ARL15: variants seen among roughly 807,000 people sequenced by gnomAD.
The protein encoded by ARL15 is ADP-ribosylation factor-like protein 15.
Under a neutral mutation model 25.2 loss-of-function variants are expected in ARL15, and 19 were observed. The observed-to-expected ratio is 0.75, with a 90% CI of 0.53 to 1.10. The LOEUF (loss-of-function observed/expected upper bound fraction) is 1.10, where lower values mean the gene tolerates loss of function less well. Among genes scored for constraint, ARL15 ranks in the 50% least tolerant of loss-of-function variants. The pLI is 0.00. For synonymous variants in ARL15, 94 were observed against 86.8 expected (o/e 1.08, Z -0.46); for missense variants, 220 against 246.0 (o/e 0.89, Z 0.71).
At chr5:54,200,344 A>T (rs558352028) in intron 1 of ARL15, among the ~76,000 whole-genome samples, 4 of 151,120 alleles carry the variant, frequency 2.6e-5, no homozygotes, top group Admixed American at 2.6e-4. Flanking sequence ...AAAAAAATTT[A>T]AAAATAAATA....
chr5:53,912,598 A>G (rs1398247120), intron 4 of ARL15, among the ~76,000 whole-genome samples: 1 of 152,118 alleles, frequency 6.6e-6, no homozygotes, highest in Non-Finnish European at 1.5e-5. Flanking sequence ...CTCCACCATA[A>G]TCTTGCAGCA....
chr5:54,218,559 G>A (rs1303845498), intron 1 of ARL15, among the ~76,000 whole-genome samples: 1 of 152,066 alleles, frequency 6.6e-6, no homozygotes, highest in Non-Finnish European at 1.5e-5. Flanking sequence ...ACTTTATTTG[G>A]GGTCACTGTG....
At chr5:54,098,868 C>T (rs1057024057) in intron 4 of ARL15, among the ~76,000 whole-genome samples, 3 of 152,134 alleles carry the variant, frequency 2.0e-5, no homozygotes, top group Non-Finnish European at 4.4e-5. Context: ...TTTCCAAAAA[C>T]ACTTGAAAAG....
At chr5:54,157,552 C>T (rs1362956534) in intron 2 of ARL15, among the ~76,000 whole-genome samples, 2 of 152,090 alleles carry the variant, frequency 1.3e-5, no homozygotes, top group African/African-American at 2.4e-5. Context: ...GCCGGGACTA[C>T]AGGCACCCAC....
intron 1 of ARL15, among the ~76,000 whole-genome samples, chr5:54,181,751 T>C (rs932778693): frequency 2.6e-5 from 4 of 152,066 alleles, no homozygotes; most frequent in African/African-American, 7.2e-5. Flanking sequence ...CTGATGAACA[T>C]AGCGAGACCC....
chr5:54,138,374 C>T (rs1237635635), intron 3 of ARL15, among the ~76,000 whole-genome samples: 3 of 152,176 alleles, frequency 2.0e-5, no homozygotes, highest in East Asian at 1.9e-4. Context: ...TAAAGCTAAA[C>T]GCAACCAACT....
intron 1 of ARL15, among the ~76,000 whole-genome samples, chr5:54,225,565 T>G (rs552513229): frequency 6.6e-6 from 1 of 152,180 alleles, no homozygotes; most frequent in South Asian, 2.1e-4. Flanking sequence ...AATTTGTAAC[T>G]AAGGGAATGA....
At chr5:54,302,254 T>A (rs911238422) in intron 1 of ARL15, among the ~76,000 whole-genome samples, 1 of 152,154 alleles carries the variant, frequency 6.6e-6, no homozygotes, top group Admixed American at 6.5e-5. Context: ...TTATTAATTA[T>A]AATAGTTAAG....
In ARL15 at chr5:54,105,278, A is replaced by G. The variant is rs116438091; in HGVS notation, c.462+7924T>C. ...AGGGTACCTTAAACTTTTGCCTCAA[A>G]TCAGCCATTGCCTTTGTTGAATGAG... is the stretch of plus-strand genomic sequence containing the variant. On this transcript the variant is annotated intron_variant, in intron 4 of 4. Transcript: ENST00000504924. Among the ~76,000 whole-genome samples, 752 of 152,086 alleles carry G rather than the reference A, an allele frequency of 4.9e-3. 12 individuals carry two copies. Among genetic ancestry groups the G allele is most frequent in the Middle Eastern group, 0.037 (11 of 294 alleles).
chr5:54,251,403 T>C (rs1283700614), intron 1 of ARL15, among the ~76,000 whole-genome samples: 1 of 150,196 alleles, frequency 6.7e-6, no homozygotes, highest in Non-Finnish European at 1.5e-5. Flanking sequence ...AAAGCCAGGC[T>C]TTTTAAAAAG....
intron 1 of ARL15, among the ~76,000 whole-genome samples, chr5:54,220,560 C>G (rs1756344714): frequency 6.6e-6 from 1 of 152,038 alleles, no homozygotes; most frequent in South Asian, 2.1e-4. Context: ...ATTCTTCTTG[C>G]TTGATTTTTT....
At chr5:54,189,465 G>A (rs1755334836) in intron 1 of ARL15, among the ~76,000 whole-genome samples, 1 of 152,090 alleles carries the variant, frequency 6.6e-6, no homozygotes, top group Non-Finnish European at 1.5e-5. Flanking sequence ...CAATGAAATA[G>A]AATAGAGATC....
chr5:53,966,607 A>G (rs888739620), intron 4 of ARL15, among the ~76,000 whole-genome samples: 4 of 152,142 alleles, frequency 2.6e-5, no homozygotes, highest in African/African-American at 7.2e-5. Context: ...CCAGGTAGAT[A>G]GTGGTGGGAT....
intron 1 of ARL15, among the ~76,000 whole-genome samples, chr5:54,277,737 G>A (rs182549443): frequency 2.0e-5 from 3 of 152,034 alleles, no homozygotes; most frequent in Non-Finnish European, 4.4e-5. Flanking sequence ...GGGTGACAGA[G>A]TGAGACTTCG....
At chr5:54,004,909 T>C (rs1190204393) in intron 4 of ARL15, among the ~76,000 whole-genome samples, 1 of 152,356 alleles carries the variant, frequency 6.6e-6, no homozygotes, top group East Asian at 1.9e-4. Context: ...CAGCATATTA[T>C]GTTTTCTGCT....
chr5:53,954,207 T>C (rs1040877275), intron 4 of ARL15, among the ~76,000 whole-genome samples: 4 of 151,992 alleles, frequency 2.6e-5, no homozygotes, highest in Non-Finnish European at 5.9e-5. Flanking sequence ...TTAGTCTGGA[T>C]AAAACATTTG....
At chr5:54,066,378 T>C (rs1365447183) in intron 4 of ARL15, among the ~76,000 whole-genome samples, 1 of 152,204 alleles carries the variant, frequency 6.6e-6, no homozygotes, top group African/African-American at 2.4e-5. Context: ...AGAGAATTAA[T>C]ATAAAAGTGC....
At chr5:54,033,083 T>A (rs901600607) in intron 4 of ARL15, among the ~76,000 whole-genome samples, 1 of 150,040 alleles carries the variant, frequency 6.7e-6, no homozygotes, top group African/African-American at 2.4e-5. Context: ...CTCCTAGCAC[T>A]TTGGGAGGCT....
chr5:54,281,944 C>A (rs141980040), intron 1 of ARL15, among the ~76,000 whole-genome samples: 1 of 152,280 alleles, frequency 6.6e-6, no homozygotes, highest in East Asian at 1.9e-4. Context: ...AATTAAAACT[C>A]CATAATTGTT....
Sources: allele counts gnomAD v4.1 joint callset (sites outside exome capture counted in the v4.1 genomes callset), GRCh38; gene constraint gnomAD v4.1.1; transcripts MANE v1.5; gene names NCBI Gene and HGNC (gene_info 2026-07-23, HGNC 2026-07-21).